ANTXR2: variants seen among roughly 807,000 people sequenced by gnomAD.
ANTXR2 encodes the protein ANTXR cell adhesion molecule 2.
ANTXR2 carries 44 observed loss-of-function variants against 73.7 expected under a neutral mutation model. The observed-to-expected ratio is 0.60, with a 90% CI of 0.47 to 0.77. ANTXR2 has a LOEUF of 0.77. ANTXR2 is among the 30% of genes least tolerant of loss of function. The pLI, the probability that ANTXR2 is intolerant of heterozygous loss-of-function variation, is 0.00. For synonymous variants in ANTXR2, 217 were observed against 205.9 expected (o/e 1.05, Z -0.46); for missense variants, 604 against 592.5 (o/e 1.02, Z -0.20).
At chr4:79,980,717 T>C (rs1729850092) in intron 14 of ANTXR2, among the ~76,000 whole-genome samples, 1 of 152,158 alleles carries the variant, frequency 6.6e-6, no homozygotes, top group Non-Finnish European at 1.5e-5. Context: ...ACAGCTGTTA[T>C]TAACATCATC....
chr4:80,052,236 T>C (rs1733802987), intron 7 of ANTXR2, among the ~76,000 whole-genome samples: 1 of 151,720 alleles, frequency 6.6e-6, no homozygotes, highest in African/African-American at 2.4e-5. Flanking sequence ...CCTAGCCATG[T>C]GACAGAAACA....
intron 7 of ANTXR2, among the ~76,000 whole-genome samples, chr4:80,053,159 A>G (rs1011264617): frequency 1.3e-5 from 2 of 151,646 alleles, no homozygotes; most frequent in Admixed American, 1.3e-4. Context: ...CTGTATTTTA[A>G]AACTTAAATC....
intron 12 of ANTXR2, among the ~76,000 whole-genome samples, chr4:79,997,755 G>A (rs1488902849): frequency 6.6e-6 from 1 of 151,912 alleles, no homozygotes; most frequent in Non-Finnish European, 1.5e-5. Context: ...TGAGAACTAA[G>A]AAGAACAGTG....
At chr4:80,050,634 T>A (rs993173400) in intron 7 of ANTXR2, among the ~76,000 whole-genome samples, 3 of 151,664 alleles carry the variant, frequency 2.0e-5, no homozygotes, top group Non-Finnish European at 4.4e-5. Context: ...CTCAGAGAAA[T>A]TACATTGCCG....
intron 10 of ANTXR2, among the ~76,000 whole-genome samples, chr4:80,025,839 T>C (rs1440007422): frequency 6.7e-6 from 1 of 149,832 alleles, no homozygotes; most frequent in Non-Finnish European, 1.5e-5. Context: ...GTGTAATAGA[T>C]AAAACAAAAA....
At chr4:80,042,447 G>A (rs1175346523) in intron 7 of ANTXR2, among the ~76,000 whole-genome samples, 2 of 151,886 alleles carry the variant, frequency 1.3e-5, no homozygotes, top group African/African-American at 4.8e-5. Context: ...TCTGGACATG[G>A]AGAAGACATT....
rs556980986 is a variant in ANTXR2, at chr4:80,005,034, T to C, written c.1041+3487A>G. Among the ~76,000 whole-genome samples, 5 of 152,190 alleles carry C rather than the reference T, an allele frequency of 3.3e-5. No homozygotes were observed. The South Asian group carries it at 6.2e-4, about 19-fold the overall frequency. On this transcript the variant is annotated intron_variant, in intron 12 of 16. Transcript: ENST00000403729. ...TAGAGGTCTATGAGATTTTAAACTCTGGATAACAAGTGATTCAATCATGTT... is the reference window on the plus strand; with the variant it reads ...TAGAGGTCTATGAGATTTTAAACTCCGGATAACAAGTGATTCAATCATGTT...
At chr4:79,990,215 T>C (rs898265935) in intron 12 of ANTXR2, among the ~76,000 whole-genome samples, 1 of 109,032 alleles carries the variant, frequency 9.2e-6, no homozygotes, top group Non-Finnish European at 2.1e-5. Flanking sequence ...AATAATAAGA[T>C]TCTATATTTA....
intron 12 of ANTXR2, among the ~76,000 whole-genome samples, chr4:79,989,491 A>T (rs542684083): frequency 6.6e-6 from 1 of 152,108 alleles, no homozygotes; most frequent in East Asian, 1.9e-4. Flanking sequence ...TTGATCAGTA[A>T]TAAAAAAAAT....
chr4:79,947,347 T>C (rs1728553379), intron 16 of ANTXR2, among the ~76,000 whole-genome samples: 1 of 152,150 alleles, frequency 6.6e-6, no homozygotes, highest in South Asian at 2.1e-4. Flanking sequence ...GAGGTAAATC[T>C]GATTATTTGG....
chr4:80,023,095 T>C (rs1307394647), intron 10 of ANTXR2, among the ~76,000 whole-genome samples: 1 of 152,204 alleles, frequency 6.6e-6, no homozygotes, highest in Non-Finnish European at 1.5e-5. Context: ...GAAATGTATA[T>C]AGAAGCAATA....
chr4:80,031,255 G>A (rs950918814), intron 10 of ANTXR2, among the ~76,000 whole-genome samples: 14 of 151,492 alleles, frequency 9.2e-5, no homozygotes, highest in African/African-American at 3.4e-4. Context: ...TTTTGAACTG[G>A]GTGTGTGCAT....
At chr4:79,914,045 T>C (rs1350102030) in intron 16 of ANTXR2, among the ~76,000 whole-genome samples, 1 of 152,150 alleles carries the variant, frequency 6.6e-6, no homozygotes, top group Non-Finnish European at 1.5e-5. Flanking sequence ...ATAAACAATA[T>C]AGCATTCTCT....
Position 80,062,165 on chromosome 4 carries a change from G to A in ANTXR2, c.297-6152C>T, listed in dbSNP as rs1734292188. 2.0e-5 allele frequency among the ~76,000 whole-genome samples: 3 copies of A among 152,202 alleles called. No homozygotes were observed. In the South Asian group the frequency reaches 6.2e-4, roughly 32 times the overall value. On this transcript the variant is annotated intron_variant, in intron 3 of 16. Transcript: ENST00000403729. The stretch of plus-strand genomic sequence containing the variant: ...TAGGCCAAGGCTTCTGTGGTCCAGA[G>A]TCCAGACCAGCAAATCCAAGGTAGC...
At chr4:79,962,575 T>C (rs984432456) in intron 16 of ANTXR2, among the ~76,000 whole-genome samples, 3 of 152,160 alleles carry the variant, frequency 2.0e-5, no homozygotes, top group Non-Finnish European at 4.4e-5. Flanking sequence ...TCAGATCTTA[T>C]AGAAATAAAA....
At chr4:80,009,820 C>A (rs865862169) in intron 11 of ANTXR2, among the ~76,000 whole-genome samples, 1 of 147,878 alleles carries the variant, frequency 6.8e-6, no homozygotes, top group African/African-American at 2.5e-5. Context: ...GCATTCCAGC[C>A]TGGGAGACAG....
chr4:80,071,542 C>A, intron 2 of ANTXR2, 41 bp downstream of exon 2: 2 of 1,507,104 alleles, frequency 1.3e-6, no homozygotes, highest in South Asian at 1.1e-5. Context: ...ACACTTTGCT[C>A]TACTTCTCCA....
At chr4:80,007,564 G>C (rs1238196392) in intron 12 of ANTXR2, among the ~76,000 whole-genome samples, 1 of 152,182 alleles carries the variant, frequency 6.6e-6, no homozygotes, top group Non-Finnish European at 1.5e-5. Context: ...CTTGAGATGG[G>C]AGATGATCCT....
chr4:80,036,105 AG>A, intron 7 of ANTXR2, 73 bp from the exon 8 acceptor site: 1 of 1,259,934 alleles, frequency 7.9e-7, no homozygotes, highest in Non-Finnish European at 1.1e-6. Context: ...TTATAAGATT[AG>A]TAATAACCTT....
Sources: gnomAD v4.1 joint callset for allele counts (sites outside exome capture counted in the v4.1 genomes callset) on GRCh38, gnomAD v4.1.1 for gene constraint, MANE v1.5 for transcripts, NCBI Gene and HGNC (gene_info 2026-07-23, HGNC 2026-07-21) for gene names.